Variants in ZNF385D observed in about 807,000 individuals in gnomAD.
ZNF385D encodes zinc finger protein 659.
In ZNF385D, 15 loss-of-function variants were observed where a neutral mutation model predicts 35.8. That is an observed-to-expected ratio of 0.42 (90% CI 0.28 to 0.64). The LOEUF (loss-of-function observed/expected upper bound fraction) is 0.64. Among genes scored for constraint, ZNF385D ranks in the 30% least tolerant of loss-of-function variants. The pLI is 0.23. For missense variants in ZNF385D, 474 were observed against 494.6 expected (o/e 0.96, Z 0.39); for synonymous variants, 212 against 186.8 (o/e 1.13, Z -1.10).
At chr3:22,019,034 CTTTTTTTTTTTTT>C (rs11380195) in intron 3 of ZNF385D, among the ~76,000 whole-genome samples, 1,347 of 64,516 alleles carry the variant, frequency 0.021, 11 homozygotes, top group Non-Finnish European at 0.029. Context: ...AGTTATTTAC[CTTTTTTTTTTTTT>C]TTTTTTTTTT....
chr3:21,977,087 G>T (rs12637145), intron 3 of ZNF385D, among the ~76,000 whole-genome samples: 1 of 151,948 alleles, frequency 6.6e-6, no homozygotes, highest in African/African-American at 2.4e-5. Flanking sequence ...AAAAGAGTAC[G>T]TGTTGCATGA....
chr3:21,934,926 C>A (rs1447682861), intron 3 of ZNF385D, among the ~76,000 whole-genome samples: 1 of 152,158 alleles, frequency 6.6e-6, no homozygotes, highest in African/African-American at 2.4e-5. Flanking sequence ...AGTCTGACTG[C>A]ACATATATTA....
At chr3:21,560,178 C>T (rs1443734039) in intron 3 of ZNF385D, among the ~76,000 whole-genome samples, 2 of 152,188 alleles carry the variant, frequency 1.3e-5, no homozygotes, top group East Asian at 1.9e-4. Context: ...CAAACTCATT[C>T]TGCATCCTGT....
chr3:22,286,042 C>T (rs1702005556), intron 2 of ZNF385D, among the ~76,000 whole-genome samples: 1 of 152,032 alleles, frequency 6.6e-6, no homozygotes, highest in African/African-American at 2.4e-5. Flanking sequence ...TAAAGACACA[C>T]AGGAAAGGTT....
intron 3 of ZNF385D, among the ~76,000 whole-genome samples, chr3:21,840,510 G>T (rs1695598188): frequency 6.6e-6 from 1 of 151,912 alleles, no homozygotes; most frequent in Admixed American, 6.6e-5. Context: ...CAAGAATAAC[G>T]GTATGCCCAA....
intron 3 of ZNF385D, among the ~76,000 whole-genome samples, chr3:21,552,909 A>G (rs2062614587): frequency 6.6e-6 from 1 of 152,242 alleles, no homozygotes; most frequent in African/African-American, 2.4e-5. Context: ...TGAATTACCC[A>G]GGTTGGCCCT....
At chr3:21,517,607 A>T (rs968518787) in intron 3 of ZNF385D, among the ~76,000 whole-genome samples, 1 of 152,216 alleles carries the variant, frequency 6.6e-6, no homozygotes, top group African/African-American at 2.4e-5. Context: ...AGTCACTGTG[A>T]AACCTCCCCA....
At chr3:22,327,336 C>T (rs575595730) in intron 2 of ZNF385D, among the ~76,000 whole-genome samples, 1 of 151,782 alleles carries the variant, frequency 6.6e-6, no homozygotes, top group Non-Finnish European at 1.5e-5. Flanking sequence ...TGTAAATTTT[C>T]TAAATTAAAC....
In ZNF385D at chr3:22,014,247, A is replaced by G. The variant is rs569354806; in HGVS notation, c.325+154570T>C. Among the ~76,000 whole-genome samples, 68 of 152,242 alleles carry G rather than the reference A, an allele frequency of 4.5e-4. 1 individual carries two copies. The highest frequency in any genetic ancestry group is 1.4e-3 in the African/African-American group (59 of 41,550). ...GGGAAGGAAGAAAAGGAAATGCAGT[A>G]GAAGTAAGAAATTGCCCAATGGCAA... On this transcript the variant is annotated intron_variant, in intron 3 of 5. Coordinates refer to the ZNF385D transcript ENST00000494108.
intron 4 of ZNF385D, among the ~76,000 whole-genome samples, chr3:21,457,147 A>G (rs762759101): frequency 3.9e-5 from 6 of 152,220 alleles, no homozygotes; most frequent in Non-Finnish European, 8.8e-5. Flanking sequence ...GAATGAGAGA[A>G]TGAAACAACC....
intron 2 of ZNF385D, among the ~76,000 whole-genome samples, chr3:21,566,100 G>T (rs1426127285): frequency 6.6e-6 from 1 of 152,124 alleles, no homozygotes; most frequent in Non-Finnish European, 1.5e-5. Context: ...AATAACAATA[G>T]TAACAATAAA....
At chr3:22,310,046 C>T (rs1298927143) in intron 2 of ZNF385D, among the ~76,000 whole-genome samples, 1 of 151,842 alleles carries the variant, frequency 6.6e-6, no homozygotes, top group Non-Finnish European at 1.5e-5. Flanking sequence ...GAGGATTGAT[C>T]CAAGCAGAAA....
At chr3:21,565,774 A>T (rs1465017319) in intron 2 of ZNF385D, among the ~76,000 whole-genome samples, 1 of 152,214 alleles carries the variant, frequency 6.6e-6, no homozygotes, top group Non-Finnish European at 1.5e-5. Context: ...CCATTTTTCA[A>T]ATGATGAGAT....
chr3:21,706,866 C>A (rs576346157), intron 1 of ZNF385D, among the ~76,000 whole-genome samples: 16 of 151,134 alleles, frequency 1.1e-4, no homozygotes, highest in African/African-American at 3.2e-4. Context: ...ATAGATTAGA[C>A]AGATAAATTC....
chr3:22,011,069 A>G (rs1006507605), intron 3 of ZNF385D, among the ~76,000 whole-genome samples: 7 of 152,136 alleles, frequency 4.6e-5, no homozygotes, highest in African/African-American at 1.7e-4. Flanking sequence ...TTTCTACAAA[A>G]TTCGTTAATG....
At chr3:21,455,799 G>A (rs1702769479) in intron 4 of ZNF385D, among the ~76,000 whole-genome samples, 1 of 152,090 alleles carries the variant, frequency 6.6e-6, no homozygotes, top group South Asian at 2.1e-4. Flanking sequence ...AGAGTGAACA[G>A]GCAACCTACA....
At chr3:21,829,881 T>C (rs1253785266) in intron 3 of ZNF385D, among the ~76,000 whole-genome samples, 1 of 152,050 alleles carries the variant, frequency 6.6e-6, no homozygotes, top group African/African-American at 2.4e-5. Context: ...CTCAACACTT[T>C]GGGAGGTCGA....
rs424842 is a variant in ZNF385D at position 21,450,447 on chromosome 3, T to G, written c.440-13244A>C. ...GATTTCAATCTGCTCCCATAAGTCA[T>G]CCCTAATTGAGGACATTTCCAGAGA... is the stretch of plus-strand genomic sequence containing the variant. On this transcript the variant is annotated intron_variant, in intron 4 of 7. Transcript: ENST00000281523. Among the ~76,000 whole-genome samples the G allele has an allele frequency of 1.2e-3, 180 of 152,200 alleles. 1 individual carries two copies. The highest frequency in any genetic ancestry group is 4.2e-3 in the African/African-American group (174 of 41,512).
chr3:22,097,685 T>C (rs1456726284), intron 3 of ZNF385D, among the ~76,000 whole-genome samples: 1 of 152,022 alleles, frequency 6.6e-6, no homozygotes, highest in Non-Finnish European at 1.5e-5. Context: ...TGGGAAATCA[T>C]GCAGAATCAT....
Sources: allele counts gnomAD v4.1 joint callset (sites outside exome capture counted in the v4.1 genomes callset), GRCh38; gene constraint gnomAD v4.1.1; transcripts MANE v1.5; gene names NCBI Gene and HGNC (gene_info 2026-07-23, HGNC 2026-07-21).